The following TMEM39B variants were observed in gnomAD, a reference collection of about 807,000 sequenced individuals.
TMEM39B encodes the protein transmembrane protein 39B.
A neutral mutation model predicts 52.2 loss-of-function variants in TMEM39B; 23 were observed. That is an observed-to-expected ratio of 0.44 (90% CI 0.32 to 0.62). The LOEUF is 0.62. TMEM39B is among the 20% of genes least tolerant of loss of function. The pLI, the probability that TMEM39B is intolerant of heterozygous loss-of-function variation, is 0.06. For synonymous variants in TMEM39B, 285 were observed against 264.0 expected (o/e 1.08, Z -0.77); for missense variants, 547 against 642.0 (o/e 0.85, Z 1.60).
At chr1:32,095,015 T>C (rs770973027) in intron 7 of TMEM39B, 44 bp downstream of exon 7, 53 of 1,598,194 alleles carry the variant, frequency 3.3e-5, no homozygotes, top group Non-Finnish European at 4.2e-5. Flanking sequence ...GCCCTTCTGG[T>C]CAGCATCTGG....
rs554426706 is a variant in TMEM39B at position 32,091,720 on chromosome 1, C to T, written c.636C>T (p.Arg212=). Reference sequence around the variant, plus strand: ...TCCTGCAGCTGAATTGCGACCTCCGCAAGACAAGCCTCTTCAACCACATGG... The same window carrying T: ...TCCTGCAGCTGAATTGCGACCTCCGTAAGACAAGCCTCTTCAACCACATGG... ...IPFLQLNCDL[R]KTSLFNHMAS... Residue 212 remains arginine, a synonymous_variant, in exon 6 of 9, where the codon CGC becomes CGT. Coordinates refer to ENST00000336294, the MANE Select transcript of TMEM39B (RefSeq NM_018056.4). 1.9e-6 allele frequency: 3 copies of T among 1,613,552 alleles called. No homozygotes were observed. The South Asian group carries it at 3.3e-5, about 18-fold the overall frequency.
chr1:32,084,658 C>T (rs186881391), intron 5 of TMEM39B, among the ~76,000 whole-genome samples: 191 of 152,210 alleles, frequency 1.3e-3, no homozygotes, highest in African/African-American at 3.5e-3. Context: ...CAACCTCCGC[C>T]TCCCGAGTTC....
rs370147668 is a variant in TMEM39B, at chr1:32,086,504, T to C, written c.591-5171T>C. Among the ~76,000 whole-genome samples, 42 of 151,938 alleles carry C rather than the reference T, an allele frequency of 2.8e-4. No individual in the cohort carries two copies. The South Asian group carries it at 8.5e-3, about 31-fold the overall frequency. On this transcript the variant is annotated intron_variant, in intron 5 of 8. Coordinates refer to ENST00000336294, the MANE Select transcript of TMEM39B (RefSeq NM_018056.4). Reference sequence around the variant, plus strand: ...AAAGTAGGCTGGGCATGGTGGCCCATGCCTGTAATCCCAGCACTTTGAGAG... The same window carrying C: ...AAAGTAGGCTGGGCATGGTGGCCCACGCCTGTAATCCCAGCACTTTGAGAG...
chr1:32,072,970 C>T lies in TMEM39B; in HGVS notation c.-78C>T, dbSNP rs1440258377. The T allele has an allele frequency of 5.0e-5, 76 of 1,521,294 alleles. No individual in the cohort carries two copies. The highest frequency in any genetic ancestry group is 7.1e-6 in the Non-Finnish European group (8 of 1,131,582). The allele number at this position is 1,521,294 out of a possible 1,614,324, so 94.2% of individuals were successfully genotyped here. A position where few individuals can be genotyped will look rare whatever the true frequency, so the allele number is the denominator to read the frequency against. ...CGGGACTGGGCTGCGGCGGTTAGTC[C>T]TCTCCCGGCCGCCGTCGCCTCCGAC... On this transcript the variant is annotated 5_prime_UTR_variant, in exon 1 of 9. Coordinates refer to ENST00000336294, the MANE Select transcript of TMEM39B (RefSeq NM_018056.4).
chr1:32,078,445 T>C (rs1000314157), intron 5 of TMEM39B, among the ~76,000 whole-genome samples: 2 of 151,934 alleles, frequency 1.3e-5, no homozygotes, highest in Non-Finnish European at 2.9e-5. Flanking sequence ...ATTGTGCCAC[T>C]GTACTCTAGC....
intron 3 of TMEM39B, 163 bp from the exon 4 acceptor site, chr1:32,076,600 C>T (rs1464252290): frequency 9.4e-6 from 7 of 742,380 alleles, no homozygotes; most frequent in Non-Finnish European, 1.4e-5. Flanking sequence ...TCCTGTCCTA[C>T]TCCTGTAGGT....
upstream of TMEM39B, chr1:32,072,378 AAG>A (rs1352008969): frequency 5.3e-5 from 8 of 152,292 alleles, 1 homozygote; most frequent in Non-Finnish European, 8.8e-5. Flanking sequence ...CCTCATCGTA[AAG>A]CATAAAAAAA....
intron 5 of TMEM39B, among the ~76,000 whole-genome samples, chr1:32,083,409 CTTTTTTTTTTTTTTTTTTT>C (rs1052027069): frequency 7.3e-5 from 4 of 54,626 alleles, no homozygotes; most frequent in African/African-American, 2.3e-4. Flanking sequence ...TAAAGGACTT[CTTTTTTTTTTTTTTTTTTT>C]TTTTTTTTTT....
intron 5 of TMEM39B, among the ~76,000 whole-genome samples, chr1:32,078,813 G>A (rs1207183186): frequency 6.6e-6 from 1 of 152,014 alleles, no homozygotes; most frequent in African/African-American, 2.4e-5. Flanking sequence ...GCTACTTTTT[G>A]TATTTTTAGT....
chr1:32,085,424 G>A (rs542288079), intron 5 of TMEM39B, among the ~76,000 whole-genome samples: 2 of 152,008 alleles, frequency 1.3e-5, no homozygotes, highest in South Asian at 4.2e-4. Context: ...TTTGCTGATT[G>A]TTCTTTTCTC....
Position 32,102,770 on chromosome 1 carries a change from C to CA in TMEM39B, c.*104dup, listed in dbSNP as rs1242416818. The CA allele has an allele frequency of 5.3e-6, 7 of 1,326,316 alleles. No homozygotes were observed. In the South Asian group the frequency reaches 6.0e-5, roughly 11 times the overall value. The allele number at this position is 1,326,316 out of a possible 1,614,324, so 82.2% of individuals were successfully genotyped here. On this transcript the variant is annotated 3_prime_UTR_variant, in exon 9 of 9. Coordinates refer to ENST00000336294, the MANE Select transcript of TMEM39B (RefSeq NM_018056.4). Reference sequence around the variant, plus strand: ...AAGTGGTGGTGGGGGGGACAAAAGACAAAAAAATCCACCAGAGCTTTGTAT... The same window carrying CA: ...AAGTGGTGGTGGGGGGGACAAAAGACAAAAAAAATCCACCAGAGCTTTGTAT...
chr1:32,075,452 C>G (rs80139954), intron 2 of TMEM39B, 151 bp from the exon 3 acceptor site: 2 of 785,834 alleles, frequency 2.5e-6, no homozygotes, highest in Admixed American at 2.9e-5. Flanking sequence ...AAGGCTTTGT[C>G]GGGTTCCTTT....
chr1:32,087,035 A>G (rs759183464), intron 5 of TMEM39B: 11 of 152,178 alleles, frequency 7.2e-5, no homozygotes, highest in Non-Finnish European at 1.5e-4. Context: ...CCTAGGAGGT[A>G]GAGGCTGCAG....
At chr1:32,080,691 AAAAG>A (rs1640058718) in intron 5 of TMEM39B, among the ~76,000 whole-genome samples, 1 of 151,618 alleles carries the variant, frequency 6.6e-6, no homozygotes, top group Non-Finnish European at 1.5e-5. Flanking sequence ...AAAAAAAAAA[AAAAG>A]AGTTGCCTTA....
rs974328041 is a variant in TMEM39B at position 32,075,006 on chromosome 1, G to A, written c.60G>A (p.Pro20=). 7.7e-6 allele frequency: 12 copies of A among 1,551,542 alleles called. No homozygotes were observed. Among genetic ancestry groups the A allele is most frequent in the Middle Eastern group, 3.3e-4 (2 of 5,990 alleles). The change falls in exon 2 of 9, where the codon CCG becomes CCA. Residue 20 remains proline (P), a synonymous_variant. Coordinates refer to ENST00000336294, the MANE Select transcript of TMEM39B (RefSeq NM_018056.4). The stretch of plus-strand genomic sequence containing the variant: ...ACTGTCGAAATCCGCTCTGTGAGCC[G>A]GGATCCTCGGGGGGCTCTAGTGGAA... The part of the protein sequence containing the change: ...TSYCRNPLCE[P]GSSGGSSGSH...
chr1:32,092,661 T>G (rs1407836958), intron 6 of TMEM39B, among the ~76,000 whole-genome samples: 3 of 151,828 alleles, frequency 2.0e-5, no homozygotes, highest in Non-Finnish European at 4.4e-5. Context: ...CAGCTAATTT[T>G]TGTATTTTTA....
intron 4 of TMEM39B, 86 bp downstream of exon 4, chr1:32,076,932 C>T (rs1424124349): frequency 6.7e-7 from 1 of 1,484,398 alleles, no homozygotes; most frequent in East Asian, 2.3e-5. Context: ...AGCCCTTCAG[C>T]CTTAGGGTAT....
chr1:32,073,248 T>G (rs1569847016), intron 1 of TMEM39B, 197 bp downstream of exon 1: 375 of 399,712 alleles, frequency 9.4e-4, no homozygotes, highest in East Asian at 3.0e-3. Context: ...CATTGGACGG[T>G]GGGCGGGGCT....
At chr1:32,088,286 G>T (rs758491686) in intron 5 of TMEM39B, among the ~76,000 whole-genome samples, 1 of 150,632 alleles carries the variant, frequency 6.6e-6, no homozygotes, top group Non-Finnish European at 1.5e-5. Flanking sequence ...GTATAGTGGC[G>T]GGCGCCTGTA....
Sources: gnomAD v4.1 joint callset for allele counts (sites outside exome capture counted in the v4.1 genomes callset) on GRCh38, gnomAD v4.1.1 for gene constraint, MANE v1.5 for transcripts, NCBI Gene and HGNC (gene_info 2026-07-23, HGNC 2026-07-21) for gene names.